Variants in ITGA2B observed in about 807,000 individuals in gnomAD.
The protein encoded by ITGA2B is integrin alpha-IIb.
A neutral mutation model predicts 142.0 loss-of-function variants in ITGA2B; 91 were observed. The ratio of observed to expected loss-of-function variants is 0.64; its 90% confidence interval spans 0.54 to 0.76. The LOEUF is 0.76. ITGA2B is among the 30% of genes least tolerant of loss of function. The pLI is 0.00. For synonymous variants in ITGA2B, 536 were observed against 567.2 expected, an observed-to-expected ratio of 0.94 and a Z score of 0.78; for missense variants, 1,231 against 1,350.8, an observed-to-expected ratio of 0.91 and a Z score of 1.39.
chr17:44,380,334 A>C (rs2048584079), intron 15 of ITGA2B, 33 bp from the exon 16 acceptor site: 1 of 1,614,106 alleles, frequency 6.2e-7, no homozygotes, highest in Non-Finnish European at 8.5e-7. Flanking sequence ...CAGGGGTTGG[A>C]GCCTTTCTGA....
chr17:44,384,743 G>A (rs2048628650), intron 7 of ITGA2B, among the ~76,000 whole-genome samples, 158 bp from the exon 8 acceptor site: 2 of 152,250 alleles, frequency 1.3e-5, no homozygotes, highest in African/African-American at 4.8e-5. Flanking sequence ...CCCAGGCTGC[G>A]CTACGAGTCC....
Position 44,385,347 on chromosome 17 carries a change from AAGG to A in ITGA2B, c.575-15_575-13del, listed in dbSNP as rs781337901. The A allele has an allele frequency of 8.1e-6, 13 of 1,608,928 alleles. No homozygotes were observed. The East Asian group carries it at 2.9e-4, about 36-fold the overall frequency. On this transcript the variant is annotated splice_polypyrimidine_tract_variant and intron_variant, in intron 4 of 29. Coordinates refer to ENST00000262407, the MANE Select transcript of ITGA2B (RefSeq NM_000419.5). ...ACGCTTGTCCCAGCCTGCAGGAGAC[AAGG>A]AGGAGGGGTCAGCGCAGGGGTGAAG...
In ITGA2B at chr17:44,379,997, C is replaced by T. The variant is rs530915748; in HGVS notation, c.1752+5G>A. ...CAGCCCTGCCAATCCCCTGCCTGGG[C>T]GTACTCGAAGGAAGGCCATGGTGGT... is the stretch of plus-strand genomic sequence containing the variant. On this transcript the variant is annotated splice_donor_5th_base_variant and intron_variant, in intron 17 of 29. Transcript: ENST00000262407. 1.4e-5 allele frequency: 23 copies of T among 1,613,216 alleles called. No homozygotes were observed. Among genetic ancestry groups the T allele is most frequent in the East Asian group, 4.5e-5 (2 of 44,888 alleles).
chr17:44,384,486 C>T, intron 8 of ITGA2B, 52 bp downstream of exon 8: 3 of 1,610,768 alleles, frequency 1.9e-6, no homozygotes, highest in Non-Finnish European at 2.5e-6. Context: ...TTCAGGAAGG[C>T]GCTCCTCCCC....
In ITGA2B at chr17:44,377,026, G is replaced by A. The variant is rs1283112624; in HGVS notation, c.2250C>T (p.Phe750=). The change falls in exon 22 of 30, where the codon TTC becomes TTT. Residue 750 remains phenylalanine, a synonymous_variant. Transcript: ENST00000262407. ...NLEEAGESVS[F]QLQIRSKNSQ... ...GTCAGTACCTCCGTATCTGCAGCTG[G>A]AAGGACACAGACTCCCCAGCCTCTT... The A allele has an allele frequency of 1.3e-6, 2 of 1,592,568 alleles. No individual in the cohort carries two copies. Among genetic ancestry groups the A allele is most frequent in the Non-Finnish European group, 1.7e-6 (2 of 1,170,010 alleles).
At chr17:44,378,620 G>A (rs1277152265) in intron 19 of ITGA2B, 23 bp downstream of exon 19, 1 of 1,573,652 alleles carries the variant, frequency 6.4e-7, no homozygotes, top group Admixed American at 1.9e-5. Context: ...GCCAGGGTCG[G>A]GCAGAATGGG....
intron 12 of ITGA2B, among the ~76,000 whole-genome samples, 153 bp from the exon 13 acceptor site, chr17:44,381,214 T>G (rs1041928545): frequency 3.9e-5 from 6 of 152,096 alleles, no homozygotes; most frequent in Non-Finnish European, 8.8e-5. Flanking sequence ...CCTCCAGGAG[T>G]TAACAATCAG....
At position 44,375,088 on chromosome 17, in the gene ITGA2B, A is replaced by C. The variant is rs1193082936; in HGVS notation, c.2751T>G (p.Thr917=). The change falls in exon 27 of 30, where the codon ACT becomes ACG. Residue 917 remains threonine, a synonymous_variant. Coordinates refer to ENST00000262407, the MANE Select transcript of ITGA2B (RefSeq NM_000419.5). ...VLVSCDSAPC[T]VVQCDLQEMA... ...TCTCCTGCAGGTCACACTGCACCAC[A>C]GTACAGGGCGCCGAGTCGCAGCTCT... 5 of 1,548,996 alleles carry C rather than the reference A, an allele frequency of 3.2e-6. No homozygotes were observed. Among genetic ancestry groups the C allele is most frequent in the Non-Finnish European group, 2.6e-6 (3 of 1,146,908 alleles).
chr17:44,378,610 G>A, intron 19 of ITGA2B, 33 bp downstream of exon 19: 1 of 1,578,874 alleles, frequency 6.3e-7, no homozygotes, highest in Non-Finnish European at 8.6e-7. Context: ...GGCAGAAAGG[G>A]CCAGGGTCGG....
intron 1 of ITGA2B, among the ~76,000 whole-genome samples, chr17:44,387,365 A>T (rs2048658281): frequency 6.6e-6 from 1 of 151,814 alleles, no homozygotes; most frequent in Non-Finnish European, 1.5e-5. Flanking sequence ...TCTACTAAAA[A>T]TACAAAAATT....
intron 29 of ITGA2B, among the ~76,000 whole-genome samples, chr17:44,373,044 T>G (rs1393146851): frequency 2.6e-5 from 4 of 152,220 alleles, no homozygotes. Context: ...CACACCTGAC[T>G]AATTTTTTTT....
At chr17:44,374,853 C>A in intron 27 of ITGA2B, 93 bp from the exon 28 acceptor site, 3 of 1,298,846 alleles carry the variant, frequency 2.3e-6, no homozygotes, top group Non-Finnish European at 3.3e-6. Flanking sequence ...GGAAGCCCTG[C>A]CTCTGACCTA....
intron 12 of ITGA2B, among the ~76,000 whole-genome samples, chr17:44,382,920 C>G (rs1344090011): frequency 2.6e-5 from 4 of 152,234 alleles, no homozygotes; most frequent in Admixed American, 2.6e-4. Context: ...AGGGCTCTAT[C>G]CTGGGCCTCT....
rs753383908 is a variant in ITGA2B, at chr17:44,372,376, TTCA to T, written c.3105_3107del (p.Asp1035del). 1.1e-5 allele frequency: 18 copies of T among 1,613,946 alleles called. No individual in the cohort carries two copies. The highest frequency in any genetic ancestry group is 2.2e-5 in the East Asian group (1 of 44,876). The stretch of plus-strand genomic sequence containing the variant: ...GTAGGCTGCACCATCACTCCCCCTC[TTCA>T]TCATCTTCTTCCAGGGGTGGCCGGT... On this transcript the variant is annotated inframe_deletion, in exon 30 of 30. Coordinates refer to ENST00000262407, the MANE Select transcript of ITGA2B (RefSeq NM_000419.5).
chr17:44,385,406 G>A (rs2048637181), intron 4 of ITGA2B, 71 bp from the exon 5 acceptor site: 1 of 1,559,582 alleles, frequency 6.4e-7, no homozygotes, highest in South Asian at 1.1e-5. Flanking sequence ...AGGAGGGCTG[G>A]GGGACAGGGG....
At position 44,374,757 on chromosome 17, in the gene ITGA2B, G is replaced by A. The variant is rs1041644034; in HGVS notation, c.2845C>T (p.Pro949Ser). 1.2e-6 allele frequency: 2 copies of A among 1,613,668 alleles called. No individual in the cohort carries two copies. Among genetic ancestry groups the A allele is most frequent in the African/African-American group, 2.7e-5 (2 of 74,900 alleles). ...GACTGCAGCACAAACTGATCCAGAG[G>A]CCTCTGGACAGGTTGGGGTTGAAAG... ...FLWLPSLYQR[P>S]LDQFVLQSHA... Residue 949 changes from proline (P) to serine (S), a missense_variant, in exon 28 of 30, where the codon CCT becomes TCT. Transcript: ENST00000262407.
intron 20 of ITGA2B, among the ~76,000 whole-genome samples, 183 bp downstream of exon 20, chr17:44,378,179 A>G (rs550092349): frequency 6.6e-6 from 1 of 152,302 alleles, no homozygotes; most frequent in African/African-American, 2.4e-5. Context: ...TGGTTTTTGT[A>G]ATAGAGTTTT....
intron 18 of ITGA2B, among the ~76,000 whole-genome samples, chr17:44,379,008 C>T (rs1257542425): frequency 6.6e-6 from 1 of 152,062 alleles, no homozygotes; most frequent in Non-Finnish European, 1.5e-5. Flanking sequence ...TGCAGTGGCA[C>T]TATCTCGGCT....
Position 44,385,856 on chromosome 17 carries a change from C to A in ITGA2B, c.376G>T (p.Ala126Ser), listed in dbSNP as rs1324511576. The A allele has an allele frequency of 1.2e-6, 2 of 1,605,488 alleles. No homozygotes were observed. The highest frequency in any genetic ancestry group is 3.4e-5 in the Admixed American group (2 of 58,558). ...QTFKARQGLG[A>S]SVVSWSDVIV... ...ACGTCGCTCCAGCTGACGACCGACGCCCCCAGTCCTTGGCGGGCCTTGAAG... is the reference window on the plus strand; with the variant it reads ...ACGTCGCTCCAGCTGACGACCGACGACCCCAGTCCTTGGCGGGCCTTGAAG... The change falls in exon 3 of 30, where the codon GCG (alanine) becomes TCG (serine). Residue 126 changes from alanine (A) to serine (S), a missense_variant. By Grantham distance (99) the Ala-to-Ser change is moderately conservative. This residue lies in a region of ITGA2B where 318 missense variants were observed against 312.2 expected (regional missense o/e 1.02). Transcript: ENST00000262407.
Sources: gnomAD v4.1 joint callset for allele counts (sites outside exome capture counted in the v4.1 genomes callset) on GRCh38, gnomAD v4.1.1 for gene constraint, gnomAD v4.1.1 regional missense constraint, MANE v1.5 for transcripts, NCBI Gene and HGNC (gene_info 2026-07-23, HGNC 2026-07-21) for gene names.